The following POC1B variants were observed in gnomAD, a reference collection of about 807,000 sequenced individuals.
The protein encoded by POC1B is POC1 centriolar protein homolog B.
POC1B carries 44 observed loss-of-function variants against 60.6 expected under a neutral mutation model. The ratio of observed to expected loss-of-function variants is 0.73; its 90% confidence interval spans 0.57 to 0.93. The LOEUF (loss-of-function observed/expected upper bound fraction) is 0.93, where lower values mean the gene tolerates loss of function less well. Ranked by LOEUF, POC1B falls within the 40% of genes least tolerant of loss-of-function variation. The probability of loss-of-function intolerance (pLI) is 0.00; values close to 1 mark genes in which losing one functional copy is unlikely to be tolerated. For missense variants in POC1B, 555 were observed against 572.3 expected (o/e 0.97, Z 0.31); for synonymous variants, 180 against 198.9 (o/e 0.90, Z 0.80).
intron 4 of POC1B, among the ~76,000 whole-genome samples, chr12:89,477,788 G>A (rs1458839602): frequency 6.6e-6 from 1 of 151,962 alleles, no homozygotes; most frequent in African/African-American, 2.4e-5. Context: ...CGTTTCCTTT[G>A]GGGAGAAGTG....
At chr12:89,408,874 GTGA>G in the POC1B span, among the ~76,000 whole-genome samples, 1 of 152,202 alleles carries the variant, frequency 6.6e-6, no homozygotes, top group Non-Finnish European at 1.5e-5. Flanking sequence ...CTAATGACCA[GTGA>G]TGATGAGCTT....
intron 11 of POC1B, among the ~76,000 whole-genome samples, chr12:89,424,128 TGGC>T (rs1265384612): frequency 3.9e-5 from 6 of 152,246 alleles, no homozygotes. Context: ...AGTTCTCACA[TGGC>T]TCTTTCTCAC....
chr12:89,423,216 A>C (rs1383652544), intron 11 of POC1B, among the ~76,000 whole-genome samples: 2 of 152,176 alleles, frequency 1.3e-5, no homozygotes, highest in Non-Finnish European at 2.9e-5. Flanking sequence ...ATGAGGTCTT[A>C]GCATTTTGGG....
chr12:89,476,898 A>G (rs1883145255), intron 4 of POC1B, among the ~76,000 whole-genome samples: 1 of 152,192 alleles, frequency 6.6e-6, no homozygotes, highest in Non-Finnish European at 1.5e-5. Flanking sequence ...GCACTATTTC[A>G]TGTCCCGTAA....
intron 10 of POC1B, among the ~76,000 whole-genome samples, chr12:89,444,624 T>C (rs1881687373): frequency 6.6e-6 from 1 of 152,092 alleles, no homozygotes. Flanking sequence ...TAAGAACTAT[T>C]TATGACAAAC....
intron 10 of POC1B, among the ~76,000 whole-genome samples, chr12:89,430,972 C>T (rs1881005824): frequency 6.6e-6 from 1 of 151,946 alleles, no homozygotes; most frequent in Non-Finnish European, 1.5e-5. Flanking sequence ...ATCTTAAATG[C>T]CTTCTCAGAG....
At chr12:89,435,640 G>T (rs1046332901) in intron 10 of POC1B, among the ~76,000 whole-genome samples, 2 of 151,844 alleles carry the variant, frequency 1.3e-5, no homozygotes, top group African/African-American at 4.8e-5. Context: ...TTCTTATTTT[G>T]CTGGTGGAAG....
chr12:89,418,058 G>A (rs1880394655), downstream of POC1B, among the ~76,000 whole-genome samples: 1 of 152,212 alleles, frequency 6.6e-6, no homozygotes. Context: ...GTGAACTGAT[G>A]TATGTGTCAG....
the POC1B span, among the ~76,000 whole-genome samples, chr12:89,410,446 A>G: frequency 0.044 from 6,767 of 152,176 alleles, 423 homozygotes; most frequent in East Asian, 0.12. Flanking sequence ...TTGGGAGGCC[A>G]AGGCAGGCAG....
intron 10 of POC1B, among the ~76,000 whole-genome samples, chr12:89,441,576 A>T (rs2120725304): frequency 6.6e-6 from 1 of 152,326 alleles, no homozygotes; most frequent in Admixed American, 6.5e-5. Flanking sequence ...AGGAAACCTA[A>T]CAAACAGAAA....
At chr12:89,513,087 C>T (rs1870263663) in intron 2 of POC1B, among the ~76,000 whole-genome samples, 1 of 152,060 alleles carries the variant, frequency 6.6e-6, no homozygotes. Context: ...AATTCTGATG[C>T]ACATTGAAAT....
intron 4 of POC1B, among the ~76,000 whole-genome samples, chr12:89,491,618 G>A (rs960884177): frequency 6.5e-4 from 90 of 137,914 alleles, no homozygotes; most frequent in African/African-American, 2.2e-3. Flanking sequence ...GAGTGAGACC[G>A]TGTCTCAAAA....
At chr12:89,500,079 A>AG (rs1869475081) in intron 2 of POC1B, 1 of 1,344,252 alleles carries the variant, frequency 7.4e-7, no homozygotes, top group South Asian at 1.2e-5. Context: ...GCGCTGGCTC[A>AG]GCGGGGCCGG....
intron 10 of POC1B, among the ~76,000 whole-genome samples, chr12:89,432,707 A>G (rs1009281914): frequency 2.6e-5 from 4 of 152,232 alleles, no homozygotes; most frequent in African/African-American, 9.6e-5. Context: ...GAGAAGTGGT[A>G]AAGAATAAAT....
At chr12:89,442,933 A>G (rs1369377352) in intron 10 of POC1B, among the ~76,000 whole-genome samples, 1 of 152,220 alleles carries the variant, frequency 6.6e-6, no homozygotes, top group Non-Finnish European at 1.5e-5. Flanking sequence ...GAAAAACAAA[A>G]AAAAGCAGGG....
chr12:89,403,096 C>T, the POC1B span, among the ~76,000 whole-genome samples: 2 of 152,024 alleles, frequency 1.3e-5, no homozygotes, highest in East Asian at 1.9e-4. Context: ...CAACCTCCAC[C>T]TCCCAGGTTC....
chr12:89,465,669 A>G (rs927620123), intron 9 of POC1B, among the ~76,000 whole-genome samples: 1 of 152,214 alleles, frequency 6.6e-6, no homozygotes, highest in Admixed American at 6.5e-5. Flanking sequence ...TGATAATACA[A>G]TAAGTAGTAC....
rs537094557 is a variant in POC1B, at chr12:89,482,427, G to A, written c.452+9509C>T. On this transcript the variant is annotated intron_variant, in intron 4 of 11. Coordinates refer to ENST00000313546, the MANE Select transcript of POC1B (RefSeq NM_172240.3). ...TAGGGAAGAAAAATATATGAAGAAA[G>A]AACAACAATTTTTACAAATATGATG... 1.3e-4 allele frequency among the ~76,000 whole-genome samples: 20 copies of A among 151,848 alleles called. No individual in the cohort carries two copies. The South Asian group carries it at 3.7e-3, about 28-fold the overall frequency.
At chr12:89,421,307 G>T in intron 11 of POC1B, 50 bp from the exon 12 acceptor site, 1 of 1,424,534 alleles carries the variant, frequency 7.0e-7, no homozygotes, top group Non-Finnish European at 9.7e-7. Flanking sequence ...TGGTGGTGAG[G>T]ATGACAATGA....
Sources: allele counts gnomAD v4.1 joint callset (sites outside exome capture counted in the v4.1 genomes callset), GRCh38; gene constraint gnomAD v4.1.1; transcripts MANE v1.5; gene names NCBI Gene and HGNC (gene_info 2026-07-23, HGNC 2026-07-21).